The following LHX8 variants were observed in gnomAD, a reference collection of about 807,000 sequenced individuals.
The protein encoded by LHX8 is LIM homeobox 8.
LHX8 carries 12 observed loss-of-function variants against 40.3 expected under a neutral mutation model. That is an observed-to-expected ratio of 0.30 (90% CI 0.19 to 0.48). LHX8 has a LOEUF of 0.48. Among genes scored for constraint, LHX8 ranks in the 20% least tolerant of loss-of-function variants. The probability of loss-of-function intolerance (pLI) is 0.99; values close to 1 mark genes in which losing one functional copy is unlikely to be tolerated. For missense variants in LHX8, 344 were observed against 433.7 expected, an observed-to-expected ratio of 0.79 and a Z score of 1.84; for synonymous variants, 179 against 162.0, an observed-to-expected ratio of 1.10 and a Z score of -0.80.
At chr1:75,134,276 T>C (rs548456839), upstream of LHX8, among the ~76,000 whole-genome samples, 1 of 152,144 alleles carries the variant, frequency 6.6e-6, no homozygotes, top group Admixed American at 6.5e-5. Context: ...GCGAAGCAAT[T>C]TCTCCAGGAA....
chr1:75,172,646 T>C, the LHX8 span, among the ~76,000 whole-genome samples: 3 of 152,250 alleles, frequency 2.0e-5, no homozygotes, highest in Non-Finnish European at 4.4e-5. Flanking sequence ...TGAATTCTCC[T>C]GCCTTGAATA....
chr1:75,190,650 G>T, the LHX8 span, among the ~76,000 whole-genome samples: 2 of 152,070 alleles, frequency 1.3e-5, no homozygotes, highest in Admixed American at 1.3e-4. Flanking sequence ...CAGACCAAAG[G>T]AGAAAAAGAA....
chr1:75,194,396 G>A, the LHX8 span, among the ~76,000 whole-genome samples: 1 of 152,186 alleles, frequency 6.6e-6, no homozygotes, highest in African/African-American at 2.4e-5. Context: ...GACCAGAGGA[G>A]CCATGAGCCT....
chr1:75,172,236 A>G, the LHX8 span, among the ~76,000 whole-genome samples: 1 of 152,222 alleles, frequency 6.6e-6, no homozygotes, highest in Non-Finnish European at 1.5e-5. Flanking sequence ...TTACAGATGT[A>G]TGAGACCACT....
the LHX8 span, among the ~76,000 whole-genome samples, chr1:75,188,703 G>A: frequency 2.0e-5 from 3 of 152,138 alleles, no homozygotes; most frequent in Non-Finnish European, 2.9e-5. Context: ...ATTAACCTAC[G>A]TTGAAATGAT....
At chr1:75,185,098 A>G in the LHX8 span, among the ~76,000 whole-genome samples, 18 of 151,612 alleles carry the variant, frequency 1.2e-4, 1 homozygote, top group East Asian at 3.3e-3. Context: ...GCTTTAAAAT[A>G]GAATCAGTAA....
upstream of LHX8, chr1:75,131,282 A>G (rs1013862409): frequency 2.3e-5 from 4 of 176,446 alleles, no homozygotes; most frequent in African/African-American, 9.4e-5. Flanking sequence ...TGAGCACCGC[A>G]GAACCTCCAG....
chr1:75,182,983 A>G, the LHX8 span: 1 of 152,130 alleles, frequency 6.6e-6, no homozygotes, highest in Admixed American at 6.5e-5. Flanking sequence ...CCTCTTTCTT[A>G]TGAGCCAGCT....
intron 3 of LHX8, 149 bp downstream of exon 3, chr1:75,137,410 C>T: frequency 2.7e-6 from 2 of 748,602 alleles, no homozygotes; most frequent in Non-Finnish European, 2.3e-6. Context: ...CAGTTTAGGG[C>T]AACTCATGCG....
chr1:75,177,918 A>C, the LHX8 span, among the ~76,000 whole-genome samples: 1 of 152,178 alleles, frequency 6.6e-6, no homozygotes, highest in Non-Finnish European at 1.5e-5. Context: ...CCTTTTCTGC[A>C]TCTATTGAGA....
At chr1:75,157,318 C>A (rs1283483272) in intron 8 of LHX8, among the ~76,000 whole-genome samples, 4 of 152,092 alleles carry the variant, frequency 2.6e-5, no homozygotes, top group Non-Finnish European at 4.4e-5. Flanking sequence ...TGACTCAATG[C>A]TTGATCTTTA....
the LHX8 span, among the ~76,000 whole-genome samples, chr1:75,190,216 C>T: frequency 0.014 from 2,077 of 152,140 alleles, 50 homozygotes; most frequent in African/African-American, 0.047. Context: ...AGAGTGTAGA[C>T]GGACTCTTTA....
chr1:75,197,219 C>T, the LHX8 span, among the ~76,000 whole-genome samples: 15 of 152,130 alleles, frequency 9.9e-5, no homozygotes, highest in South Asian at 3.1e-3. Context: ...ATTTTTTGCT[C>T]CATTAACTTA....
chr1:75,135,575 C>T (rs1315675473), intron 1 of LHX8, among the ~76,000 whole-genome samples: 2 of 152,178 alleles, frequency 1.3e-5, no homozygotes, highest in Admixed American at 1.3e-4. Flanking sequence ...GGCGAACAGT[C>T]AGAAATGCAG....
At chr1:75,135,027 G>A (rs554914585) in intron 1 of LHX8, 73 bp downstream of exon 1, 789 of 739,046 alleles carry the variant, frequency 1.1e-3, no homozygotes, top group Middle Eastern at 2.1e-3. Context: ...AGGACTGGGC[G>A]GCTGTCGGGT....
intron 7 of LHX8, among the ~76,000 whole-genome samples, chr1:75,153,903 A>C (rs1428041462): frequency 6.6e-6 from 1 of 152,176 alleles, no homozygotes; most frequent in Non-Finnish European, 1.5e-5. Context: ...AATCAGTGAA[A>C]CATGCTTTCC....
chr1:75,137,057 G>T (rs1354207603), intron 2 of LHX8, 43 bp from the exon 3 acceptor site: 2 of 1,559,272 alleles, frequency 1.3e-6, no homozygotes, highest in South Asian at 2.4e-5. Flanking sequence ...ATGCGAAGGG[G>T]AGGAGGGGTC....
chr1:75,130,453 C>A (rs540915949), upstream of LHX8: 5 of 571,888 alleles, frequency 8.7e-6, no homozygotes, highest in East Asian at 1.4e-4. Flanking sequence ...GGTCTGCCCG[C>A]CAGTGGATTC....
chr1:75,146,998 A>T (rs372860495), intron 6 of LHX8, among the ~76,000 whole-genome samples: 1 of 152,154 alleles, frequency 6.6e-6, no homozygotes, highest in Non-Finnish European at 1.5e-5. Flanking sequence ...CAAAGACATA[A>T]TTTGCTCGTT....
Sources: allele counts gnomAD v4.1 joint callset (sites outside exome capture counted in the v4.1 genomes callset), GRCh38; gene constraint gnomAD v4.1.1; transcripts MANE v1.5; gene names NCBI Gene and HGNC (gene_info 2026-07-23, HGNC 2026-07-21).